WHAMM: variants seen among roughly 807,000 people sequenced by gnomAD.
WHAMM encodes the protein WASP homolog-associated protein with actin, membranes and microtubules.
WHAMM carries 67 observed loss-of-function variants against 76.5 expected under a neutral mutation model. That is an observed-to-expected ratio of 0.88 (90% CI 0.72 to 1.07). The LOEUF (loss-of-function observed/expected upper bound fraction) is 1.07, where lower values mean the gene tolerates loss of function less well. Among genes scored for constraint, WHAMM ranks in the 50% least tolerant of loss-of-function variants. The pLI, the probability that WHAMM is intolerant of heterozygous loss-of-function variation, is 0.00. For synonymous variants in WHAMM, 419 were observed against 422.1 expected, an observed-to-expected ratio of 0.99 and a Z score of 0.09; for missense variants, 1,021 against 1,051.1, an observed-to-expected ratio of 0.97 and a Z score of 0.40.
At position 82,813,133 on chromosome 15, in the gene WHAMM, A is replaced by G. The variant is rs746567530; in HGVS notation, c.640A>G (p.Met214Val). 6.1e-5 allele frequency: 98 copies of G among 1,606,898 alleles called. No individual in the cohort carries two copies. The South Asian group carries it at 1.0e-3, about 17-fold the overall frequency. Reference protein sequence around the residue: ...VIQGHGKANTMVALMNVYQEE... With the variant: ...VIQGHGKANTVVALMNVYQEE... ...TCAAGGACACGGAAAAGCCAACACC[A>G]TGGTAGCATTAATGAACGTTTACCA... is the stretch of plus-strand genomic sequence containing the variant. Residue 214 changes from methionine to valine, a missense_variant, in exon 2 of 10, where the codon ATG becomes GTG. Transcript: ENST00000286760.
chr15:82,835,337 G>C lies in WHAMM; in HGVS notation c.*1801G>C, dbSNP rs2051114032. The C allele has an allele frequency of 6.6e-6, 1 of 152,234 alleles. No individual in the cohort carries two copies. Among genetic ancestry groups the C allele is most frequent in the South Asian group, 2.1e-4 (1 of 4,820 alleles). 9.4% of individuals were successfully genotyped at this position (152,234 alleles called of 1,614,324 possible). ...AGATGGGGTTTCACCATGTTGGCAG[G>C]ATGGTCTCGATCTCTTGACCTCGTG... On this transcript the variant is annotated 3_prime_UTR_variant, in exon 10 of 10. Transcript: ENST00000286760.
At chr15:82,824,475 C>T (rs2050896357) in intron 6 of WHAMM, among the ~76,000 whole-genome samples, 1 of 152,122 alleles carries the variant, frequency 6.6e-6, no homozygotes, top group African/African-American at 2.4e-5. Flanking sequence ...CATGTGCCAC[C>T]ACCCCTGGCT....
chr15:82,822,973 T>C (rs912103303), intron 5 of WHAMM, 127 bp from the exon 6 acceptor site: 30 of 734,120 alleles, frequency 4.1e-5, no homozygotes, highest in Admixed American at 7.7e-5. Flanking sequence ...ATATTTTTCA[T>C]ATATGTTAAT....
chr15:82,834,393 TGA>T lies in WHAMM; in HGVS notation c.*861_*862del, dbSNP rs1439937658. On this transcript the variant is annotated 3_prime_UTR_variant, in exon 10 of 10. Transcript: ENST00000286760. The stretch of plus-strand genomic sequence containing the variant: ...TTAAAACTGGGGAGGGACGTAGAGA[TGA>T]GAGTTTCACACACCAGCCCATAGGT... 6.6e-6 allele frequency: 1 copy of T among 152,408 alleles called. No individual in the cohort carries two copies. Among genetic ancestry groups the T allele is most frequent in the African/African-American group, 2.4e-5 (1 of 41,444 alleles). 9.4% of individuals were successfully genotyped at this position (152,408 alleles called of 1,614,324 possible).
At chr15:82,829,066 CAT>C (rs1380659096) in intron 8 of WHAMM, among the ~76,000 whole-genome samples, 6 of 152,210 alleles carry the variant, frequency 3.9e-5, no homozygotes, top group Non-Finnish European at 7.3e-5. Flanking sequence ...GAAATAAAAT[CAT>C]GTGATGCATG....
At chr15:82,818,586 C>T (rs1031835049) in intron 4 of WHAMM, among the ~76,000 whole-genome samples, 6 of 152,238 alleles carry the variant, frequency 3.9e-5, no homozygotes, top group Admixed American at 6.5e-5. Context: ...ATCAACCCAG[C>T]AATGTTTTCA....
chr15:82,810,856 C>T, intron 1 of WHAMM: 1 of 749,710 alleles, frequency 1.3e-6, no homozygotes, highest in Non-Finnish European at 1.6e-6. Flanking sequence ...CTTTATTCAT[C>T]AGTTTGGAAT....
intron 8 of WHAMM, among the ~76,000 whole-genome samples, chr15:82,829,068 T>C (rs2050984513): frequency 6.6e-6 from 1 of 152,202 alleles, no homozygotes; most frequent in Admixed American, 6.5e-5. Flanking sequence ...AATAAAATCA[T>C]GTGATGCATG....
At chr15:82,812,701 CT>C (rs913079107) in intron 1 of WHAMM, among the ~76,000 whole-genome samples, 2 of 151,032 alleles carry the variant, frequency 1.3e-5, no homozygotes, top group African/African-American at 2.4e-5. Flanking sequence ...ATAAAAGTGT[CT>C]TTTTTTTTGA....
intron 6 of WHAMM, among the ~76,000 whole-genome samples, chr15:82,825,768 A>G (rs1432384635): frequency 6.6e-6 from 1 of 151,854 alleles, no homozygotes; most frequent in Admixed American, 6.6e-5. Flanking sequence ...AGCCTGGGCA[A>G]CAAGAGCGAA....
intron 6 of WHAMM, among the ~76,000 whole-genome samples, chr15:82,825,737 G>A (rs768081205): frequency 4.6e-5 from 7 of 150,958 alleles, no homozygotes; most frequent in South Asian, 4.2e-4. Flanking sequence ...GCAGTGAGCC[G>A]AGATCACGCC....
intron 9 of WHAMM, among the ~76,000 whole-genome samples, chr15:82,831,328 A>T (rs1467445447): frequency 1.3e-5 from 2 of 152,212 alleles, no homozygotes; most frequent in Non-Finnish European, 2.9e-5. Context: ...TAATGATCGC[A>T]TGACTTGGGG....
At chr15:82,819,623 A>G (rs188313234) in intron 5 of WHAMM, 135 bp downstream of exon 5, 103 of 463,688 alleles carry the variant, frequency 2.2e-4, no homozygotes, top group Middle Eastern at 6.1e-4. Context: ...TTATTATTCA[A>G]ATAATATATT....
Position 82,810,247 on chromosome 15 carries a change from GC to G in WHAMM, c.522del (p.Gly175AlafsTer41). ...CGCGACGCACTCTTCCCGGCTGAGG[GC>G]GGCGCGGCCGACTGCGAAAGCCCGC... is the stretch of plus-strand genomic sequence containing the variant. ...TVRDALFPAEGGAADCESPRE... is the reference protein window; with the variant it reads ...TVRDALFPAEXGAADCESPRE... On this transcript the variant is annotated frameshift_variant, in exon 1 of 10. Transcript: ENST00000286760. LOFTEE classifies it high-confidence loss of function. 1 of 1,395,750 alleles carries G rather than the reference GC, an allele frequency of 7.2e-7. No homozygotes were observed. The highest frequency in any genetic ancestry group is 3.0e-5 in the Admixed American group (1 of 33,036). The allele number at this position is 1,395,750 out of a possible 1,614,324, so 86.5% of individuals were successfully genotyped here.
In WHAMM at chr15:82,810,055, C is replaced by T. The variant is rs1276186328; in HGVS notation, c.329C>T (p.Pro110Leu). 5.0e-6 allele frequency: 6 copies of T among 1,211,168 alleles called. No homozygotes were observed. The highest frequency in any genetic ancestry group is 3.6e-5 in the East Asian group (1 of 27,710). The allele number at this position is 1,211,168 out of a possible 1,614,324, so 75.0% of individuals were successfully genotyped here. Residue 110 changes from proline (P) to leucine (L), a missense_variant, in exon 1 of 10, where the codon CCG becomes CTG. By Grantham distance (98) the Pro-to-Leu change is moderately conservative. Transcript: ENST00000286760. ...GAGCGCTGCTTCCCGCGGCTGCCGCCGGAGCTGGACGTGGGCGGCGGCGGG... is the reference window on the plus strand; with the variant it reads ...GAGCGCTGCTTCCCGCGGCTGCCGCTGGAGCTGGACGTGGGCGGCGGCGGG... ...PLERCFPRLP[P>L]ELDVGGGGAW...
intron 2 of WHAMM, among the ~76,000 whole-genome samples, chr15:82,816,299 G>C (rs1455047395): frequency 6.6e-6 from 1 of 152,154 alleles, no homozygotes; most frequent in African/African-American, 2.4e-5. Context: ...ATCCCTAAAA[G>C]AAACAGTAAC....
At chr15:82,813,359 C>G in intron 2 of WHAMM, 83 bp downstream of exon 2, 1 of 1,183,772 alleles carries the variant, frequency 8.4e-7, no homozygotes, top group Non-Finnish European at 1.1e-6. Context: ...TGTTCAATCT[C>G]TGTTTGTACT....
intron 2 of WHAMM, 114 bp downstream of exon 2, chr15:82,813,390 GT>G (rs2050663066): frequency 1.9e-6 from 2 of 1,053,860 alleles, no homozygotes; most frequent in African/African-American, 3.3e-5. Context: ...TTACCATTAT[GT>G]TTATTTATTT....
intron 1 of WHAMM, among the ~76,000 whole-genome samples, chr15:82,812,234 A>T (rs1249552880): frequency 2.0e-5 from 3 of 152,240 alleles, no homozygotes; most frequent in Non-Finnish European, 4.4e-5. Context: ...GTCTTTTTTT[A>T]AAATTTTTTT....
Sources: gnomAD v4.1 joint callset for allele counts (sites outside exome capture counted in the v4.1 genomes callset) on GRCh38, gnomAD v4.1.1 for gene constraint, MANE v1.5 for transcripts, NCBI Gene and HGNC (gene_info 2026-07-23, HGNC 2026-07-21) for gene names.